ASIC2: variants seen among roughly 807,000 people sequenced by gnomAD.
The protein encoded by ASIC2 is acid sensing ion channel subunit 2, also known as acid-sensing ion channel 2.
ASIC2 carries 25 observed loss-of-function variants against 57.3 expected under a neutral mutation model. That is an observed-to-expected ratio of 0.44 (90% confidence interval 0.32 to 0.61). The LOEUF is 0.61. ASIC2 is among the 20% of genes least tolerant of loss of function. The pLI, the probability that ASIC2 is intolerant of heterozygous loss-of-function variation, is 0.06. For synonymous variants in ASIC2, 319 were observed against 307.5 expected, an observed-to-expected ratio of 1.04 and a Z score of -0.39; for missense variants, 641 against 738.1, an observed-to-expected ratio of 0.87 and a Z score of 1.52.
intron 1 of ASIC2, among the ~76,000 whole-genome samples, chr17:33,725,831 C>T (rs760462005): frequency 8.3e-4 from 125 of 150,750 alleles, no homozygotes; most frequent in Non-Finnish European, 1.5e-3. Flanking sequence ...TCTCTTGTGG[C>T]TCACAAACCG....
intron 1 of ASIC2, among the ~76,000 whole-genome samples, chr17:33,754,576 C>A (rs2951672): frequency 0.39 from 59,840 of 152,022 alleles, 12,602 homozygotes; most frequent in Non-Finnish European, 0.49. Context: ...TCCTTCTCAG[C>A]ATAACTCTAG....
At chr17:33,354,613 C>T (rs970814392) in intron 1 of ASIC2, among the ~76,000 whole-genome samples, 1 of 151,948 alleles carries the variant, frequency 6.6e-6, no homozygotes, top group Non-Finnish European at 1.5e-5. Flanking sequence ...TGGGTTCCTT[C>T]CCACTCCAGC....
At chr17:33,019,529 A>G (rs2091825643) in intron 7 of ASIC2, among the ~76,000 whole-genome samples, 1 of 151,790 alleles carries the variant, frequency 6.6e-6, no homozygotes, top group African/African-American at 2.4e-5. Flanking sequence ...GGGGTGGGGT[A>G]TGCTGTGGGT....
chr17:33,623,444 T>A (rs1040267891), intron 1 of ASIC2: 3 of 151,648 alleles, frequency 2.0e-5, no homozygotes, highest in African/African-American at 7.3e-5. Context: ...TTTTTTTGTA[T>A]TTTTAGTAGA....
At chr17:33,690,908 C>T (rs1908345899) in intron 1 of ASIC2, among the ~76,000 whole-genome samples, 1 of 151,822 alleles carries the variant, frequency 6.6e-6, no homozygotes, top group Non-Finnish European at 1.5e-5. Flanking sequence ...TGCCACCACG[C>T]CTGGCTAATT....
chr17:33,051,549 C>T (rs545727053), intron 3 of ASIC2, among the ~76,000 whole-genome samples: 19 of 152,192 alleles, frequency 1.2e-4, no homozygotes, highest in Middle Eastern at 3.2e-3. Flanking sequence ...TGTAGGCAAG[C>T]ACCTCATCTG....
chr17:33,853,653 A>T (rs1913836446), intron 1 of ASIC2, among the ~76,000 whole-genome samples: 1 of 152,310 alleles, frequency 6.6e-6, no homozygotes, highest in South Asian at 2.1e-4. Context: ...AATGGATTTA[A>T]TCGCAGCAGG....
intron 1 of ASIC2, among the ~76,000 whole-genome samples, chr17:33,115,896 C>T (rs1298167739): frequency 6.6e-6 from 1 of 152,168 alleles, no homozygotes; most frequent in Non-Finnish European, 1.5e-5. Context: ...CACACATTTC[C>T]TTGTGCACCT....
At chr17:33,061,602 G>A (rs2092020899) in intron 3 of ASIC2, among the ~76,000 whole-genome samples, 1 of 152,168 alleles carries the variant, frequency 6.6e-6, no homozygotes, top group South Asian at 2.1e-4. Flanking sequence ...ATGTTCATCA[G>A]GGATATTGGT....
chr17:33,740,989 G>C (rs952636814), intron 1 of ASIC2, among the ~76,000 whole-genome samples: 4 of 152,122 alleles, frequency 2.6e-5, no homozygotes, highest in African/African-American at 9.7e-5. Context: ...GACTCTCTCG[G>C]CTATTACCTC....
At chr17:33,272,570 T>C (rs1904538931) in intron 1 of ASIC2, among the ~76,000 whole-genome samples, 1 of 152,200 alleles carries the variant, frequency 6.6e-6, no homozygotes, top group Admixed American at 6.5e-5. Flanking sequence ...AGCCCTGCCC[T>C]GCACATGGCT....
intron 1 of ASIC2, among the ~76,000 whole-genome samples, chr17:33,436,306 G>A (rs1911605035): frequency 6.6e-6 from 1 of 152,196 alleles, no homozygotes; most frequent in Non-Finnish European, 1.5e-5. Context: ...TAAAATGTAG[G>A]TATAGTTTCT....
chr17:33,659,904 A>AAATAAATAAAT (rs1907200609), intron 1 of ASIC2, among the ~76,000 whole-genome samples: 3 of 142,962 alleles, frequency 2.1e-5, no homozygotes, highest in African/African-American at 8.5e-5. Context: ...ATAAATAAAT[A>AAATAAATAAAT]AATAAATAAA....
intron 1 of ASIC2, among the ~76,000 whole-genome samples, chr17:34,027,162 AG>A (rs1907406404): frequency 1.3e-5 from 2 of 152,230 alleles, no homozygotes; most frequent in South Asian, 4.1e-4. Context: ...ACCCCAAAAA[AG>A]TGGCAATTTA....
intron 1 of ASIC2, among the ~76,000 whole-genome samples, chr17:33,622,575 T>C (rs893799824): frequency 1.3e-5 from 2 of 152,166 alleles, no homozygotes; most frequent in Admixed American, 6.5e-5. Context: ...AAATGGCAAC[T>C]AAGCTATGTG....
chr17:33,051,819 T>A (rs1024591237), intron 3 of ASIC2, among the ~76,000 whole-genome samples: 1 of 152,222 alleles, frequency 6.6e-6, no homozygotes, highest in African/African-American at 2.4e-5. Flanking sequence ...AAATTTTGTC[T>A]GCCTTAAGAA....
In ASIC2 at chr17:34,093,314, C is replaced by G. The variant is rs187608078; in HGVS notation, c.555+62664G>C. Among the ~76,000 whole-genome samples the G allele has an allele frequency of 1.4e-3, 212 of 152,298 alleles. 1 individual carries two copies. Among genetic ancestry groups the G allele is most frequent in the African/African-American group, 5.0e-3 (207 of 41,556 alleles). On this transcript the variant is annotated intron_variant, in intron 1 of 9. Coordinates refer to the ASIC2 transcript ENST00000359872. ...CATGCTTAGACTCCTGTGGTCTAAG[C>G]AGTCTCTTGTTTCCCTGAACTGGTT...
intron 1 of ASIC2, among the ~76,000 whole-genome samples, chr17:33,378,282 C>T (rs1909352020): frequency 6.6e-6 from 1 of 152,222 alleles, no homozygotes. Flanking sequence ...GCTAGCTAAA[C>T]ATTGTGGCCA....
rs910020388 is a variant in ASIC2, at chr17:33,768,698, T to C, written c.555+387280A>G. On this transcript the variant is annotated intron_variant, in intron 1 of 9. Coordinates refer to the ASIC2 transcript ENST00000359872. ...CTATTCCTATTCGCCTGATCTCTCC[T>C]GATTGGCTCTTCCTGAATAATGCCT... is the stretch of plus-strand genomic sequence containing the variant. Among the ~76,000 whole-genome samples the C allele has an allele frequency of 2.0e-5, 3 of 152,312 alleles. No homozygotes were observed. The South Asian group carries it at 6.2e-4, about 32-fold the overall frequency.
Sources: gnomAD v4.1 joint callset for allele counts (sites outside exome capture counted in the v4.1 genomes callset) on GRCh38, gnomAD v4.1.1 for gene constraint, MANE v1.5 for transcripts, NCBI Gene and HGNC (gene_info 2026-07-23, HGNC 2026-07-21) for gene names.